HAS3: variants seen among roughly 807,000 people sequenced by gnomAD.
The protein encoded by HAS3 is hyaluronan synthase 3, also known as HA synthase 3.
Under a neutral mutation model 50.3 loss-of-function variants are expected in HAS3, and 27 were observed. The observed-to-expected ratio is 0.54, with a 90% CI of 0.40 to 0.74. The LOEUF (loss-of-function observed/expected upper bound fraction) is 0.74, where lower values mean the gene tolerates loss of function less well. Among genes scored for constraint, HAS3 ranks in the 30% least tolerant of loss-of-function variants. HAS3 has a pLI of 0.00. For synonymous variants in HAS3, 339 were observed against 310.9 expected (o/e 1.09, Z -0.95); for missense variants, 517 against 742.8 (o/e 0.70, Z 3.53).
chr16:69,098,975 T>C, the HAS3 span, among the ~76,000 whole-genome samples: 2 of 149,418 alleles, frequency 1.3e-5, no homozygotes, highest in Admixed American at 6.7e-5. Context: ...ACCTGATCTT[T>C]TTTTTTTCTT....
the HAS3 span, among the ~76,000 whole-genome samples, chr16:69,090,591 G>T: frequency 1.3e-5 from 2 of 151,202 alleles, no homozygotes; most frequent in Admixed American, 1.3e-4. Context: ...TTTTTTAGAC[G>T]GAGTCTTGCT....
At chr16:69,094,127 T>C in the HAS3 span, among the ~76,000 whole-genome samples, 1 of 152,188 alleles carries the variant, frequency 6.6e-6, no homozygotes, top group Non-Finnish European at 1.5e-5. Context: ...GCACCTCTTC[T>C]GGGGAACTAG....
At chr16:69,085,809 C>G in the HAS3 span, among the ~76,000 whole-genome samples, 1 of 151,462 alleles carries the variant, frequency 6.6e-6, no homozygotes, top group Non-Finnish European at 1.5e-5. Flanking sequence ...GAACTCCTGG[C>G]CTCAGGTGAT....
chr16:69,085,869 G>A, the HAS3 span, among the ~76,000 whole-genome samples: 3 of 151,706 alleles, frequency 2.0e-5, no homozygotes, highest in Admixed American at 6.6e-5. Context: ...ATGAGCCACC[G>A]TGCCTGACCT....
At chr16:69,099,564 G>T in the HAS3 span, among the ~76,000 whole-genome samples, 1 of 151,336 alleles carries the variant, frequency 6.6e-6, no homozygotes, top group Non-Finnish European at 1.5e-5. Context: ...CTGACCTCAT[G>T]ATCCACCCAC....
rs1300653800 is a variant in HAS3, at chr16:69,107,414, T to C, written c.-1+1627T>C. ...CTGGGGTACCAGGAAGAGCAGGGCC[T>C]GGTCCGACTGGGATCCCTTGGGTTT... On this transcript the variant is annotated intron_variant, in intron 1 of 3. Transcript: ENST00000569188. This position sits in a 1 kb window ranked among gnomAD's most constrained non-coding sequence, Gnocchi z 5.5. The C allele has an allele frequency of 2.0e-6, 2 of 985,404 alleles. No homozygotes were observed. Among genetic ancestry groups the C allele is most frequent in the Non-Finnish European group, 2.4e-6 (2 of 829,990 alleles). The allele number at this position is 985,404 out of a possible 1,614,324, so 61.0% of individuals were successfully genotyped here.
At chr16:69,083,808 C>T in the HAS3 span, 768 of 794,268 alleles carry the variant, frequency 9.7e-4, 4 homozygotes, top group East Asian at 0.018. Flanking sequence ...TCACTTGGGT[C>T]TTCAGGGTCC....
chr16:69,109,453 G>T lies in HAS3; in HGVS notation c.58G>T (p.Ala20Ser). ...GGTGGGCACCAGCCTGTTTGCCCTG[G>T]CAGTGCTGGGTGGCATCCTGGCAGC... is the stretch of plus-strand genomic sequence containing the variant. ...RVVGTSLFALAVLGGILAAYV... is the reference protein window; with the variant it reads ...RVVGTSLFALSVLGGILAAYV... Residue 20 changes from alanine (A) to serine (S), a missense_variant, in exon 2 of 4, where the codon GCA (alanine) becomes TCA (serine). Transcript: ENST00000569188. This position sits in a 1 kb window ranked among gnomAD's most constrained non-coding sequence, Gnocchi z 5.3. The T allele has an allele frequency of 6.2e-7, 1 of 1,613,328 alleles. No homozygotes were observed.
At chr16:69,091,502 G>A in the HAS3 span, among the ~76,000 whole-genome samples, 2 of 151,816 alleles carry the variant, frequency 1.3e-5, no homozygotes, top group African/African-American at 4.8e-5. Flanking sequence ...CCAAAAGTTT[G>A]TACCAATCTA....
chr16:69,118,566 G>A (rs1430381360), downstream of HAS3: 3 of 770,592 alleles, frequency 3.9e-6, no homozygotes, highest in South Asian at 4.3e-5. Flanking sequence ...AAACTAGTAA[G>A]AAACAATGGG....
intron 2 of HAS3, 59 bp downstream of exon 2, chr16:69,110,090 ACT>A (rs909604977): frequency 6.7e-7 from 1 of 1,489,284 alleles, no homozygotes; most frequent in Non-Finnish European, 9.1e-7. Flanking sequence ...AGCCTGGCAA[ACT>A]CTCCGCCAAG....
downstream of HAS3, chr16:69,118,162 AGT>A: frequency 5.9e-6 from 3 of 505,504 alleles, no homozygotes; most frequent in African/African-American, 2.2e-5. Context: ...CATCCACATC[AGT>A]TTAAATTTTG....
chr16:69,111,129 C>T (rs1205140377), intron 2 of HAS3, among the ~76,000 whole-genome samples: 1 of 148,178 alleles, frequency 6.7e-6, no homozygotes, highest in Non-Finnish European at 1.5e-5. Context: ...AAAGTAGAAA[C>T]CCTAGGACCC....
At chr16:69,091,430 A>G in the HAS3 span, among the ~76,000 whole-genome samples, 1 of 152,174 alleles carries the variant, frequency 6.6e-6, no homozygotes, top group Admixed American at 6.6e-5. Flanking sequence ...ATAGGTCTTA[A>G]AAGGTTGGAG....
At chr16:69,083,745 C>T in the HAS3 span, 2 of 1,425,718 alleles carry the variant, frequency 1.4e-6, no homozygotes, top group African/African-American at 1.4e-5. Flanking sequence ...GGCCCTGCTG[C>T]CTCTTGAGTG....
In HAS3 at chr16:69,116,705, T is replaced by C. The variant is rs1961198460; in HGVS notation, c.*1439T>C. The C allele has an allele frequency of 2.0e-6, 2 of 985,454 alleles. No individual in the cohort carries two copies. Among genetic ancestry groups the C allele is most frequent in the African/African-American group, 3.5e-5 (2 of 57,364 alleles). 61.0% of individuals were successfully genotyped at this position (985,454 alleles called of 1,614,324 possible). On this transcript the variant is annotated 3_prime_UTR_variant, in exon 4 of 4. Coordinates refer to ENST00000569188, the MANE Select transcript of HAS3 (RefSeq NM_001199280.2). Reference sequence around the variant, plus strand: ...CTGTTTTTGGCTGTTTTCCCTCTGCTGCTTTTGGGGAATGAGGGGAAGCCA... The same window carrying C: ...CTGTTTTTGGCTGTTTTCCCTCTGCCGCTTTTGGGGAATGAGGGGAAGCCA...
At chr16:69,108,920 T>C (rs1394295710) in intron 1 of HAS3, among the ~76,000 whole-genome samples, 1 of 152,152 alleles carries the variant, frequency 6.6e-6, no homozygotes, top group Non-Finnish European at 1.5e-5. Context: ...CAGGAGTGGG[T>C]GCAGGGTAGG....
In HAS3 at chr16:69,117,068, T is replaced by G; in HGVS notation, c.*1802T>G. On this transcript the variant is annotated 3_prime_UTR_variant, in exon 4 of 4. Coordinates refer to ENST00000569188, the MANE Select transcript of HAS3 (RefSeq NM_001199280.2). ...GACCTCGAGTTTCTGGTAAGACTGC[T>G]GGTTGACATCAGACCCAACCCATGA... 1 of 985,680 alleles carries G rather than the reference T, an allele frequency of 1.0e-6. No homozygotes were observed. Among genetic ancestry groups the G allele is most frequent in the East Asian group, 1.1e-4 (1 of 8,818 alleles). 61.1% of individuals were successfully genotyped at this position (985,680 alleles called of 1,614,324 possible).
At chr16:69,103,862 A>G (rs1305889571), upstream of HAS3, among the ~76,000 whole-genome samples, 1 of 152,138 alleles carries the variant, frequency 6.6e-6, no homozygotes, top group Non-Finnish European at 1.5e-5. Context: ...ACTTCCTATC[A>G]GTCCGCCTAG....
Sources: allele counts gnomAD v4.1 joint callset (sites outside exome capture counted in the v4.1 genomes callset), GRCh38; gene constraint gnomAD v4.1.1; non-coding constraint Gnocchi (gnomAD v3.1); transcripts MANE v1.5; gene names NCBI Gene and HGNC (gene_info 2026-07-23, HGNC 2026-07-21).